The following ZNF527 variants were observed in gnomAD, a reference collection of about 807,000 sequenced individuals.
The protein encoded by ZNF527 is zinc finger protein 527.
Under a neutral mutation model 13.5 loss-of-function variants are expected in ZNF527, and 5 were observed. The observed-to-expected ratio is 0.37, with a 90% CI of 0.19 to 0.78. The LOEUF is 0.78. Among genes scored for constraint, ZNF527 ranks in the 30% least tolerant of loss-of-function variants. The pLI is 0.48. For missense variants in ZNF527, 628 were observed against 726.4 expected (o/e 0.86, Z 1.56); for synonymous variants, 209 against 243.1 (o/e 0.86, Z 1.30).
chr19:37,374,812 C>A (rs2146804205), intron 2 of ZNF527, among the ~76,000 whole-genome samples: 1 of 152,244 alleles, frequency 6.6e-6, no homozygotes, highest in South Asian at 2.1e-4. Flanking sequence ...GCCATTGGAA[C>A]GTTTGTGATC....
chr19:37,387,595 TA>T (rs1052105995), intron 4 of ZNF527, among the ~76,000 whole-genome samples: 1 of 152,196 alleles, frequency 6.6e-6, no homozygotes, highest in South Asian at 2.1e-4. Flanking sequence ...GATCATCTTC[TA>T]AAAAATAGTT....
At chr19:37,380,177 C>T (rs756705428) in intron 3 of ZNF527, 100 bp from the exon 4 acceptor site, 66 of 1,509,552 alleles carry the variant, frequency 4.4e-5, no homozygotes, top group Non-Finnish European at 5.7e-5. Flanking sequence ...GCCTGATGAT[C>T]AAGATATTGG....
intron 4 of ZNF527, 44 bp downstream of exon 4, chr19:37,380,416 T>C (rs1370256746): frequency 1.3e-6 from 2 of 1,542,448 alleles, no homozygotes; most frequent in Non-Finnish European, 1.8e-6. Flanking sequence ...TGTAAGGTAC[T>C]CAACCAAGTA....
In ZNF527 at chr19:37,388,864, T is replaced by A; in HGVS notation, c.815T>A (p.Leu272Ter). Residue 272 changes from leucine to a stop codon, truncating the protein, a stop_gained, in exon 5 of 5, where the codon TTA becomes TAA. Transcript: ENST00000436120. LOFTEE classifies it low-confidence loss of function (END_TRUNC). ...TQHQTTHFGK[L>*]PHGYDECGDA... ...CATCAGACCACTCATTTTGGAAAAT[T>A]ACCCCATGGATACGATGAATGTGGT... is the stretch of plus-strand genomic sequence containing the variant. The A allele has an allele frequency of 6.2e-7, 1 of 1,614,196 alleles. No homozygotes were observed.
intron 4 of ZNF527, chr19:37,384,947 A>C: frequency 1.4e-6 from 1 of 701,856 alleles, no homozygotes; most frequent in Admixed American, 2.0e-5. Context: ...AACTCAAGCA[A>C]TCTTCTCACC....
chr19:37,384,211 A>T (rs991306398), intron 4 of ZNF527, among the ~76,000 whole-genome samples: 15 of 152,126 alleles, frequency 9.9e-5, no homozygotes, highest in Non-Finnish European at 2.2e-4. Context: ...CCAGCTACTC[A>T]GAAGGCTGAG....
intron 1 of ZNF527, among the ~76,000 whole-genome samples, chr19:37,372,457 C>CTTTTT (rs2040565309): frequency 8.9e-6 from 1 of 112,262 alleles, no homozygotes; most frequent in African/African-American, 4.4e-5. Context: ...CTTTTCTTTT[C>CTTTTT]TTTTCTTTTC....
intron 2 of ZNF527, among the ~76,000 whole-genome samples, chr19:37,375,446 C>T (rs946266297): frequency 6.6e-6 from 1 of 150,678 alleles, no homozygotes; most frequent in Non-Finnish European, 1.5e-5. Flanking sequence ...ACTGCAGCCT[C>T]TGCCTCCTGG....
intron 4 of ZNF527, among the ~76,000 whole-genome samples, chr19:37,384,210 C>T (rs958620140): frequency 9.9e-5 from 15 of 152,060 alleles, no homozygotes; most frequent in Non-Finnish European, 2.2e-4. Flanking sequence ...CCCAGCTACT[C>T]AGAAGGCTGA....
chr19:37,387,996 A>G (rs2040713976), intron 4 of ZNF527, among the ~76,000 whole-genome samples: 1 of 152,184 alleles, frequency 6.6e-6, no homozygotes, highest in Non-Finnish European at 1.5e-5. Context: ...CTGTGATCTA[A>G]TCAGACATCC....
chr19:37,374,523 G>A (rs1235092177), intron 2 of ZNF527, among the ~76,000 whole-genome samples: 1 of 152,202 alleles, frequency 6.6e-6, no homozygotes, highest in Non-Finnish European at 1.5e-5. Context: ...TATTAAATAG[G>A]GAGGTCAAGG....
chr19:37,380,554 G>T (rs1353724701), intron 4 of ZNF527, among the ~76,000 whole-genome samples, 182 bp downstream of exon 4: 1 of 152,010 alleles, frequency 6.6e-6, no homozygotes, highest in East Asian at 1.9e-4. Flanking sequence ...ATACTCTCCG[G>T]TCTTCCACCT....
intron 4 of ZNF527, among the ~76,000 whole-genome samples, chr19:37,383,201 T>C (rs1327448909): frequency 3.0e-4 from 45 of 151,980 alleles, no homozygotes; most frequent in Admixed American, 2.9e-3. Context: ...CTATATTCCT[T>C]CCTAAAACTG....
At chr19:37,379,323 A>C in intron 3 of ZNF527, 77 bp downstream of exon 3, 1 of 1,370,790 alleles carries the variant, frequency 7.3e-7, no homozygotes, top group Non-Finnish European at 9.7e-7. Context: ...AATATCTAGG[A>C]CATCTTAAGA....
chr19:37,386,271 A>G (rs2040699148), intron 4 of ZNF527, among the ~76,000 whole-genome samples: 1 of 148,188 alleles, frequency 6.7e-6, no homozygotes, highest in Admixed American at 6.9e-5. Flanking sequence ...CCACCTGGGT[A>G]GCTGGGATTA....
intron 3 of ZNF527, 134 bp from the exon 4 acceptor site, chr19:37,380,143 G>T: frequency 7.0e-7 from 1 of 1,428,546 alleles, no homozygotes. Flanking sequence ...CCATTCTCTA[G>T]CTCTTCCTCT....
chr19:37,371,775 T>C (rs1232888601), intron 1 of ZNF527, among the ~76,000 whole-genome samples: 1 of 152,186 alleles, frequency 6.6e-6, no homozygotes, highest in Non-Finnish European at 1.5e-5. Context: ...TAGTTGTATG[T>C]TACCATCTAT....
At chr19:37,384,221 G>A (rs1482844206) in intron 4 of ZNF527, among the ~76,000 whole-genome samples, 1 of 152,148 alleles carries the variant, frequency 6.6e-6, no homozygotes, top group Non-Finnish European at 1.5e-5. Flanking sequence ...AGAAGGCTGA[G>A]GTAGGAAAAT....
chr19:37,375,311 TTTTCTTTC>T (rs1555826993), intron 2 of ZNF527, among the ~76,000 whole-genome samples: 41 of 79,836 alleles, frequency 5.1e-4, no homozygotes, highest in African/African-American at 6.7e-4. Flanking sequence ...TCTTTCTTTC[TTTTCTTTC>T]TTTCTTTCTT....
Sources: gnomAD v4.1 joint callset for allele counts (sites outside exome capture counted in the v4.1 genomes callset) on GRCh38, gnomAD v4.1.1 for gene constraint, MANE v1.5 for transcripts, NCBI Gene and HGNC (gene_info 2026-07-23, HGNC 2026-07-21) for gene names.